Variants in PCDH11X observed in about 807,000 individuals in gnomAD.
The protein encoded by PCDH11X is protocadherin-11 X-linked.
In PCDH11X, 18 loss-of-function variants were observed where a neutral mutation model predicts 53.3. The ratio of observed to expected loss-of-function variants is 0.34; its 90% confidence interval spans 0.23 to 0.50. The LOEUF (loss-of-function observed/expected upper bound fraction) is 0.50. Among genes scored for constraint, PCDH11X ranks in the 20% least tolerant of loss-of-function variants. The pLI is 0.98. For synonymous variants in PCDH11X, 279 were observed against 393.3 expected (o/e 0.71, Z 3.44); for missense variants, 570 against 1,032.4 (o/e 0.55, Z 6.14).
chrX:92,295,296 A>C, intron 8 of PCDH11X, among the ~76,000 whole-genome samples: 1 of 110,288 alleles, frequency 9.1e-6, no homozygotes, highest in Non-Finnish European at 1.9e-5. Flanking sequence ...GTGAACAAAA[A>C]CTAAATAAAC....
chrX:92,400,860 G>T (rs1434664515), intron 9 of PCDH11X, among the ~76,000 whole-genome samples: 1 of 109,507 alleles, frequency 9.1e-6, no homozygotes, highest in Non-Finnish European at 1.9e-5. Flanking sequence ...TTTTTAGGAT[G>T]CATGATGTTT....
intron 5 of PCDH11X, among the ~76,000 whole-genome samples, chrX:91,848,049 A>G (rs1488757478): frequency 9.0e-6 from 1 of 111,619 alleles, no homozygotes; most frequent in Non-Finnish European, 1.9e-5. Context: ...TTTTCTACAC[A>G]TATTTCCCTA....
chrX:91,786,979 C>T lies in PCDH11X; in HGVS notation c.-379+7295C>T, dbSNP rs1031499851. Among the ~76,000 whole-genome samples, 3 of 110,811 alleles carry T rather than the reference C, an allele frequency of 2.7e-5. No individual in the cohort carries two copies. The Admixed American group carries it at 2.9e-4, about 11-fold the overall frequency. On this transcript the variant is annotated intron_variant, in intron 1 of 10. Transcript: ENST00000682573. ...AATAACTTTTTCAGTTAATTTTCTA[C>T]TAGCATTATATTCTCCTATTTAGTG...
rs771823629 is a variant in PCDH11X at position 92,111,219 on chromosome X, T to TAAAAAAAAA, written c.3034-90132_3034-90124dup. On this transcript the variant is annotated intron_variant, in intron 6 of 10. Transcript: ENST00000682573. The stretch of plus-strand genomic sequence containing the variant: ...GAGCTGGATTTGAATCACCTAACGC[T>TAAAAAAAAA]AAAAAAAAAAAAAAAAAAAAAAAAA... Among the ~76,000 whole-genome samples, 110 of 19,819 alleles carry TAAAAAAAAA rather than the reference T, an allele frequency of 5.6e-3. 17 individuals carry two copies. The highest frequency in any genetic ancestry group is 0.011 in the African/African-American group (75 of 6,523). The allele number at this position is 19,819 out of a possible 115,157, so 17.2% of individuals were successfully genotyped here.
chrX:92,448,757 C>T (rs2072714171), intron 9 of PCDH11X, among the ~76,000 whole-genome samples: 1 of 110,432 alleles, frequency 9.1e-6, no homozygotes, highest in South Asian at 4.0e-4. Flanking sequence ...TAACTCTTTA[C>T]AATTCGAGAA....
At chrX:91,976,940 C>T (rs978799840) in intron 6 of PCDH11X, among the ~76,000 whole-genome samples, 20 of 110,779 alleles carry the variant, frequency 1.8e-4, no homozygotes, top group Non-Finnish European at 3.6e-4. Flanking sequence ...TAATGCTCCA[C>T]TTTGGTTTTG....
At chrX:92,130,547 G>C (rs1185900506) in intron 6 of PCDH11X, among the ~76,000 whole-genome samples, 1 of 108,251 alleles carries the variant, frequency 9.2e-6, no homozygotes, top group East Asian at 2.9e-4. Context: ...CTACTCAGGA[G>C]GCTGAGGCAG....
intron 10 of PCDH11X, among the ~76,000 whole-genome samples, chrX:92,501,280 T>C (rs1414561217): frequency 7.0e-4 from 77 of 110,603 alleles, no homozygotes; most frequent in Non-Finnish European, 1.3e-3. Context: ...AGATTCACAG[T>C]GGAATTCTAC....
intron 6 of PCDH11X, among the ~76,000 whole-genome samples, chrX:92,038,081 A>G (rs776560784): frequency 1.8e-5 from 2 of 110,496 alleles, no homozygotes; most frequent in South Asian, 7.7e-4. Context: ...TCAGTTTTAT[A>G]AGGGAAGGAG....
chrX:92,323,507 T>C (rs2069258877), intron 8 of PCDH11X, among the ~76,000 whole-genome samples: 1 of 110,927 alleles, frequency 9.0e-6, no homozygotes, highest in Non-Finnish European at 1.9e-5. Context: ...GTTCTGCATT[T>C]ATCTTGCAAT....
At chrX:91,840,049 G>T (rs1937466607) in intron 5 of PCDH11X, among the ~76,000 whole-genome samples, 1 of 110,677 alleles carries the variant, frequency 9.0e-6, no homozygotes, top group Non-Finnish European at 1.9e-5. Flanking sequence ...TTAAAATATT[G>T]TAAGTATTTT....
intron 10 of PCDH11X, among the ~76,000 whole-genome samples, chrX:92,559,324 C>A (rs960985705): frequency 9.0e-6 from 1 of 110,967 alleles, no homozygotes; most frequent in African/African-American, 3.3e-5. Flanking sequence ...AATATTGATG[C>A]TTGTTAAATG....
intron 10 of PCDH11X, among the ~76,000 whole-genome samples, chrX:92,616,629 C>T (rs1313173069): frequency 7.2e-5 from 8 of 110,615 alleles, no homozygotes; most frequent in Middle Eastern, 4.8e-3. Context: ...TGATTAGGTA[C>T]GTGCTATAGT....
intron 9 of PCDH11X, among the ~76,000 whole-genome samples, chrX:92,391,583 T>A (rs969601033): frequency 1.8e-5 from 2 of 111,001 alleles, no homozygotes; most frequent in Admixed American, 1.9e-4. Context: ...TTTTCTAAAT[T>A]TTTTTTCTGT....
chrX:92,275,628 G>A (rs934113541), intron 8 of PCDH11X, among the ~76,000 whole-genome samples: 1 of 111,876 alleles, frequency 8.9e-6, no homozygotes, highest in Non-Finnish European at 1.9e-5. Flanking sequence ...ACCATGGGGT[G>A]GATAGGCAAA....
intron 7 of PCDH11X, among the ~76,000 whole-genome samples, chrX:92,247,892 A>G (rs897844242): frequency 9.2e-6 from 1 of 108,542 alleles, no homozygotes; most frequent in African/African-American, 3.5e-5. Flanking sequence ...GCTATTGTGC[A>G]TTATTTGAGT....
intron 1 of PCDH11X, among the ~76,000 whole-genome samples, chrX:91,805,641 C>A (rs1936074582): frequency 9.8e-6 from 1 of 101,654 alleles, no homozygotes; most frequent in East Asian, 3.1e-4. Context: ...CATAGTGAGA[C>A]CCTGTCTCTA....
At chrX:92,168,422 G>T (rs2065769554) in intron 6 of PCDH11X, among the ~76,000 whole-genome samples, 1 of 110,360 alleles carries the variant, frequency 9.1e-6, no homozygotes, top group Non-Finnish European at 1.9e-5. Flanking sequence ...GCAAGGTGTG[G>T]TGGTGCTTGC....
At position 91,903,068 on chromosome X, in the gene PCDH11X, T is replaced by C. The variant is rs777403327; in HGVS notation, c.3033+23795T>C. On this transcript the variant is annotated intron_variant, in intron 6 of 10. Coordinates refer to ENST00000682573, the MANE Select transcript of PCDH11X (RefSeq NM_032968.5). ...TGGAGCTCAGGAAGGTTCATTGTCT[T>C]GCTATATGTCACACAAATACTATTT... Among the ~76,000 whole-genome samples the C allele has an allele frequency of 9.9e-5, 11 of 111,636 alleles. No individual in the cohort carries two copies. In the South Asian group the frequency reaches 3.8e-3, roughly 38 times the overall value.
Sources: gnomAD v4.1 joint callset for allele counts (sites outside exome capture counted in the v4.1 genomes callset) on GRCh38, gnomAD v4.1.1 for gene constraint, MANE v1.5 for transcripts, NCBI Gene and HGNC (gene_info 2026-07-23, HGNC 2026-07-21) for gene names.